SGCZ: variants seen among roughly 807,000 people sequenced by gnomAD.
The protein encoded by SGCZ is zeta-sarcoglycan.
In SGCZ, 40 loss-of-function variants were observed where a neutral mutation model predicts 41.3. The ratio of observed to expected loss-of-function variants is 0.97; its 90% CI spans 0.75 to 1.26. The LOEUF is 1.26. Among genes scored for constraint, SGCZ ranks in the 50% most tolerant of loss-of-function variants. The pLI, the probability that SGCZ is intolerant of heterozygous loss-of-function variation, is 0.00. For synonymous variants in SGCZ, 206 were observed against 137.5 expected (o/e 1.50, Z -3.49); for missense variants, 552 against 369.8 (o/e 1.49, Z -4.04).
intron 1 of SGCZ, among the ~76,000 whole-genome samples, chr8:14,859,266 G>C (rs1375454776): frequency 6.6e-6 from 1 of 152,048 alleles, no homozygotes. Flanking sequence ...ATATTCTCAA[G>C]CTCTTAAGAG....
chr8:14,238,306 C>T (rs1265440315), intron 3 of SGCZ, among the ~76,000 whole-genome samples: 1 of 152,124 alleles, frequency 6.6e-6, no homozygotes, highest in Non-Finnish European at 1.5e-5. Context: ...GTCATTATTA[C>T]TAAGCATGCT....
At chr8:15,177,799 C>T (rs888249237) in intron 1 of SGCZ, among the ~76,000 whole-genome samples, 1 of 152,032 alleles carries the variant, frequency 6.6e-6, no homozygotes, top group Non-Finnish European at 1.5e-5. Context: ...TCTGAGACAC[C>T]CTGAACCAGT....
At chr8:15,066,198 C>A (rs936594995) in intron 1 of SGCZ, among the ~76,000 whole-genome samples, 4 of 151,532 alleles carry the variant, frequency 2.6e-5, no homozygotes, top group Non-Finnish European at 5.9e-5. Context: ...GTCCCAGCTA[C>A]TGGGGAGGCT....
chr8:14,203,602 G>A (rs564053046), intron 4 of SGCZ, among the ~76,000 whole-genome samples: 1 of 152,234 alleles, frequency 6.6e-6, no homozygotes, highest in Admixed American at 6.5e-5. Context: ...ACAAGGCTGA[G>A]TCATTACAAT....
chr8:14,360,171 A>T (rs1237553123), intron 2 of SGCZ, among the ~76,000 whole-genome samples: 1 of 152,116 alleles, frequency 6.6e-6, no homozygotes, highest in Non-Finnish European at 1.5e-5. Context: ...TAATGGAAAA[A>T]ACTGGAAGCC....
At chr8:14,332,871 TAG>T (rs1315759758) in intron 2 of SGCZ, among the ~76,000 whole-genome samples, 1 of 150,618 alleles carries the variant, frequency 6.6e-6, no homozygotes, top group Admixed American at 6.7e-5. Context: ...TTCTCCTATA[TAG>T]GTTTGTATAT....
intron 1 of SGCZ, among the ~76,000 whole-genome samples, chr8:14,621,002 C>T (rs958816372): frequency 6.6e-6 from 1 of 151,996 alleles, no homozygotes; most frequent in African/African-American, 2.4e-5. Flanking sequence ...ATGTTTATTG[C>T]AGCGCTATTG....
chr8:14,675,141 C>T (rs769866650), intron 1 of SGCZ, among the ~76,000 whole-genome samples: 5 of 151,350 alleles, frequency 3.3e-5, no homozygotes, highest in Non-Finnish European at 4.4e-5. Flanking sequence ...AGGCTTTCAC[C>T]GTGTTAGTCA....
At chr8:15,035,986 C>T (rs1341079979) in intron 1 of SGCZ, among the ~76,000 whole-genome samples, 6 of 151,230 alleles carry the variant, frequency 4.0e-5, no homozygotes, top group Non-Finnish European at 5.9e-5. Context: ...TATAAGACAA[C>T]ATTAAAGATC....
At chr8:14,567,591 A>C (rs918125906) in intron 1 of SGCZ, among the ~76,000 whole-genome samples, 4 of 152,184 alleles carry the variant, frequency 2.6e-5, no homozygotes, top group African/African-American at 9.6e-5. Context: ...AGAGAATAAA[A>C]GCAGGCTGCC....
At chr8:15,010,759 G>A (rs1029276197) in intron 1 of SGCZ, among the ~76,000 whole-genome samples, 1 of 152,284 alleles carries the variant, frequency 6.6e-6, no homozygotes, top group East Asian at 1.9e-4. Context: ...GGTTAGAAAA[G>A]CGTATCAGAA....
intron 5 of SGCZ, among the ~76,000 whole-genome samples, chr8:14,156,662 A>C (rs564063556): frequency 6.6e-6 from 1 of 152,194 alleles, no homozygotes; most frequent in African/African-American, 2.4e-5. Context: ...ATTCAAAACT[A>C]TTTTCTTTCT....
chr8:14,099,509 G>A (rs962074311), intron 7 of SGCZ, among the ~76,000 whole-genome samples: 47 of 151,990 alleles, frequency 3.1e-4, no homozygotes, highest in Non-Finnish European at 2.1e-4. Flanking sequence ...GGAGGATCAC[G>A]AGGTCAGGAG....
At chr8:14,501,509 A>G (rs767405554) in intron 2 of SGCZ, among the ~76,000 whole-genome samples, 2 of 152,108 alleles carry the variant, frequency 1.3e-5, no homozygotes, top group Non-Finnish European at 2.9e-5. Flanking sequence ...CTTATAATTT[A>G]CAAATTAGAT....
chr8:14,636,524 C>A (rs965075875), intron 1 of SGCZ, among the ~76,000 whole-genome samples: 1 of 151,834 alleles, frequency 6.6e-6, no homozygotes. Flanking sequence ...ATAGAAAAAT[C>A]TATCTTGTCA....
intron 5 of SGCZ, among the ~76,000 whole-genome samples, chr8:14,117,460 C>A (rs557187703): frequency 6.9e-6 from 1 of 145,966 alleles, no homozygotes; most frequent in African/African-American, 2.5e-5. Context: ...AGTATAGCAT[C>A]TCACTGGGGA....
intron 5 of SGCZ, among the ~76,000 whole-genome samples, chr8:14,123,714 T>A (rs1802768158): frequency 6.6e-6 from 1 of 152,196 alleles, no homozygotes; most frequent in South Asian, 2.1e-4. Flanking sequence ...TATCAATCAA[T>A]TAGAATGGTA....
intron 1 of SGCZ, among the ~76,000 whole-genome samples, chr8:14,995,032 GACC>G (rs1173188426): frequency 6.6e-6 from 1 of 152,216 alleles, no homozygotes; most frequent in Non-Finnish European, 1.5e-5. Context: ...TGTTTCTTAG[GACC>G]ATGAGAAATC....
chr8:14,141,444 C>A (rs1265293956), intron 5 of SGCZ, among the ~76,000 whole-genome samples: 1 of 152,148 alleles, frequency 6.6e-6, no homozygotes, highest in African/African-American at 2.4e-5. Flanking sequence ...TATCCAGAAT[C>A]TACAAAGAAC....
Sources: gnomAD v4.1 joint callset for allele counts (sites outside exome capture counted in the v4.1 genomes callset) on GRCh38, gnomAD v4.1.1 for gene constraint, MANE v1.5 for transcripts, NCBI Gene and HGNC (gene_info 2026-07-23, HGNC 2026-07-21) for gene names.